The following PLCE1 variants were observed in gnomAD, a reference collection of about 807,000 sequenced individuals.
PLCE1 encodes phospholipase C epsilon 1.
In PLCE1, 119 loss-of-function variants were observed where a neutral mutation model predicts 242.8. The ratio of observed to expected loss-of-function variants is 0.49; its 90% CI spans 0.42 to 0.57. The LOEUF (loss-of-function observed/expected upper bound fraction) is 0.57, where lower values mean the gene tolerates loss of function less well. Ranked by LOEUF, PLCE1 falls within the 20% of genes least tolerant of loss-of-function variation. The pLI, the probability that PLCE1 is intolerant of heterozygous loss-of-function variation, is 0.00. For missense variants in PLCE1, 2,441 were observed against 2,788.8 expected (o/e 0.88, Z 2.81); for synonymous variants, 945 against 1,017.4 (o/e 0.93, Z 1.35).
chr10:94,179,530 T>TTTTGTTTTTTTTTTTTGA (rs10636243), intron 4 of PLCE1, among the ~76,000 whole-genome samples: 14 of 118,826 alleles, frequency 1.2e-4, no homozygotes, highest in Non-Finnish European at 2.2e-4. Context: ...TTTTTTTTTT[T>TTTTGTTTTTTTTTTTTGA]GACAGGGTCT....
At chr10:94,133,295 T>A (rs10736085) in intron 3 of PLCE1, among the ~76,000 whole-genome samples, 80,753 of 151,906 alleles carry the variant, frequency 0.53, 21,964 homozygotes, top group East Asian at 0.67. Flanking sequence ...GCCAATGGAG[T>A]GTGGGGTCCC....
At chr10:94,200,774 G>A (rs1458477969) in intron 4 of PLCE1, among the ~76,000 whole-genome samples, 2 of 152,218 alleles carry the variant, frequency 1.3e-5, no homozygotes, top group Non-Finnish European at 2.9e-5. Context: ...ACATTCTGTT[G>A]ATAGTGTGTG....
At chr10:93,998,743 G>A (rs755231899) in intron 1 of PLCE1, among the ~76,000 whole-genome samples, 3 of 152,164 alleles carry the variant, frequency 2.0e-5, no homozygotes, top group Non-Finnish European at 4.4e-5. Context: ...GGAGATGGTA[G>A]GCTAGATCAT....
intron 3 of PLCE1, among the ~76,000 whole-genome samples, chr10:94,145,626 T>C (rs2047089913): frequency 6.6e-6 from 1 of 152,148 alleles, no homozygotes; most frequent in Non-Finnish European, 1.5e-5. Flanking sequence ...TGATCCATAC[T>C]AACCCCCACA....
intron 2 of PLCE1, among the ~76,000 whole-genome samples, chr10:94,073,827 C>T (rs1425193021): frequency 6.6e-6 from 1 of 152,194 alleles, no homozygotes; most frequent in African/African-American, 2.4e-5. Flanking sequence ...ATCGGTGCTG[C>T]AACCAAGGAG....
intron 2 of PLCE1, among the ~76,000 whole-genome samples, chr10:94,109,587 G>A (rs1048982164): frequency 6.6e-6 from 1 of 152,146 alleles, no homozygotes; most frequent in Non-Finnish European, 1.5e-5. Flanking sequence ...CAGCCTGGGT[G>A]ACAGAGCGAG....
intron 4 of PLCE1, among the ~76,000 whole-genome samples, chr10:94,203,721 G>T (rs2049052694): frequency 6.6e-6 from 1 of 152,186 alleles, no homozygotes; most frequent in Non-Finnish European, 1.5e-5. Flanking sequence ...CTTCTTCCTG[G>T]ACTCTGCTGC....
At chr10:94,144,690 C>G (rs1253853971) in intron 3 of PLCE1, among the ~76,000 whole-genome samples, 1 of 152,112 alleles carries the variant, frequency 6.6e-6, no homozygotes, top group East Asian at 1.9e-4. Flanking sequence ...GAAAGAGTGT[C>G]TGGGCAGAAG....
intron 29 of PLCE1, among the ~76,000 whole-genome samples, chr10:94,317,905 T>C (rs1221582044): frequency 6.6e-6 from 1 of 152,240 alleles, no homozygotes; most frequent in Non-Finnish European, 1.5e-5. Flanking sequence ...TACCAAGCCC[T>C]GTTCTGGGCA....
chr10:94,325,742 C>A (rs2053991615), intron 32 of PLCE1: 1 of 152,146 alleles, frequency 6.6e-6, no homozygotes, highest in Non-Finnish European at 1.5e-5. Context: ...CTTATTTCAT[C>A]AGACAACTGT....
Position 94,166,282 on chromosome 10 carries a change from G to T in PLCE1, c.1493-4898G>T, listed in dbSNP as rs150730993. Reference sequence around the variant, plus strand: ...TATATTTTTGCAAGAGTTTCTGTTGGATAATATCCTAGAAGTAAGATTTCT... The same window carrying T: ...TATATTTTTGCAAGAGTTTCTGTTGTATAATATCCTAGAAGTAAGATTTCT... On this transcript the variant is annotated intron_variant, in intron 3 of 32. Transcript: ENST00000371380. 2.0e-5 allele frequency among the ~76,000 whole-genome samples: 3 copies of T among 152,148 alleles called. No homozygotes were observed. The East Asian group carries it at 5.8e-4, about 29-fold the overall frequency.
At chr10:94,082,436 G>A (rs949698166) in intron 2 of PLCE1, among the ~76,000 whole-genome samples, 6 of 152,138 alleles carry the variant, frequency 3.9e-5, no homozygotes, top group African/African-American at 1.2e-4. Context: ...TCCTGCTCCC[G>A]GGACTGGAGA....
intron 3 of PLCE1, among the ~76,000 whole-genome samples, chr10:94,152,473 C>T (rs529039728): frequency 3.9e-4 from 59 of 152,192 alleles, no homozygotes; most frequent in African/African-American, 1.3e-3. Context: ...ATTATGAGTT[C>T]CCTCATAAAT....
At chr10:94,096,860 C>T (rs892304467) in intron 2 of PLCE1, 1 of 152,158 alleles carries the variant, frequency 6.6e-6, no homozygotes, top group Non-Finnish European at 1.5e-5. Context: ...GAAGGTGACT[C>T]CATAAGAAGG....
rs563882342 is a variant in PLCE1, at chr10:94,298,504, G to A, written c.5293G>A (p.Ala1765Thr). The change falls in exon 24 of 33, where the codon GCC becomes ACC. Residue 1765 changes from alanine to threonine, a missense_variant. Coordinates refer to ENST00000371380, the MANE Select transcript of PLCE1 (RefSeq NM_016341.4). This position sits in a 1 kb window ranked among gnomAD's most constrained non-coding sequence, Gnocchi z 5.2. ...TATCTCGTCGCTGAATGAAAATGCC[G>A]CCAAACGTCTGTGTCGCAGGTATTC... is the stretch of plus-strand genomic sequence containing the variant. ...YHISSLNENA[A>T]KRLCRRYSQK... is the part of the protein sequence containing the mutation. 17 of 1,613,924 alleles carry A rather than the reference G, an allele frequency of 1.1e-5. No individual in the cohort carries two copies. The South Asian group carries it at 1.1e-4, about 10-fold the overall frequency.
At chr10:94,191,815 C>A (rs2048676145) in intron 4 of PLCE1, among the ~76,000 whole-genome samples, 1 of 152,130 alleles carries the variant, frequency 6.6e-6, no homozygotes, top group South Asian at 2.1e-4. Context: ...TTCATCTCAG[C>A]CTTAGAAAAG....
chr10:94,324,229 C>T (rs1421505457), intron 30 of PLCE1, 120 bp from the exon 31 acceptor site: 1 of 811,298 alleles, frequency 1.2e-6, no homozygotes, highest in African/African-American at 1.7e-5. Context: ...ATGAAATGAT[C>T]TGGAAGATCC....
chr10:94,052,670 A>G (rs1260211001), intron 2 of PLCE1, among the ~76,000 whole-genome samples: 1 of 152,102 alleles, frequency 6.6e-6, no homozygotes, highest in Non-Finnish European at 1.5e-5. Flanking sequence ...AAGCTAGAAA[A>G]AAGGAATGAG....
At chr10:94,239,035 G>T (rs927935206) in intron 7 of PLCE1, among the ~76,000 whole-genome samples, 3 of 152,126 alleles carry the variant, frequency 2.0e-5, no homozygotes, top group Admixed American at 6.5e-5. Context: ...TTTGTCATCT[G>T]TAAACTGGAA....
Sources: gnomAD v4.1 joint callset for allele counts (sites outside exome capture counted in the v4.1 genomes callset) on GRCh38, gnomAD v4.1.1 for gene constraint, Gnocchi (gnomAD v3.1) non-coding constraint, MANE v1.5 for transcripts, NCBI Gene and HGNC (gene_info 2026-07-23, HGNC 2026-07-21) for gene names.